Variants in CNTN5 observed in about 807,000 individuals in gnomAD.
CNTN5 encodes contactin-5.
Under a neutral mutation model 129.1 loss-of-function variants are expected in CNTN5, and 77 were observed. That is an observed-to-expected ratio of 0.60 (90% CI 0.50 to 0.72). The LOEUF (loss-of-function observed/expected upper bound fraction) is 0.72, where lower values mean the gene tolerates loss of function less well. Among genes scored for constraint, CNTN5 ranks in the 30% least tolerant of loss-of-function variants. The pLI is 0.00. For synonymous variants in CNTN5, 509 were observed against 465.6 expected (o/e 1.09, Z -1.20); for missense variants, 1,478 against 1,328.8 (o/e 1.11, Z -1.75).
At chr11:99,574,917 A>C (rs1949295326) in intron 3 of CNTN5, among the ~76,000 whole-genome samples, 1 of 152,160 alleles carries the variant, frequency 6.6e-6, no homozygotes, top group South Asian at 2.1e-4. Context: ...CTTTAGTCAG[A>C]AATGACTTCT....
intron 13 of CNTN5, among the ~76,000 whole-genome samples, chr11:100,098,081 C>T (rs1945073915): frequency 3.3e-5 from 5 of 152,044 alleles, no homozygotes; most frequent in South Asian, 4.1e-4. Flanking sequence ...ATGCAAATCA[C>T]GTTGCATGCA....
intron 7 of CNTN5, among the ~76,000 whole-genome samples, chr11:99,943,946 A>G (rs150853522): frequency 0.019 from 2,889 of 152,220 alleles, 32 homozygotes; most frequent in Middle Eastern, 0.044. Context: ...GCCTTGTAGC[A>G]TAGTTTGAAG....
intron 7 of CNTN5, among the ~76,000 whole-genome samples, chr11:99,917,125 G>T (rs1027150647): frequency 1.3e-5 from 2 of 151,644 alleles, no homozygotes; most frequent in African/African-American, 4.9e-5. Context: ...ATTTTTAATC[G>T]AAAGTATGCT....
chr11:99,338,004 T>G (rs1390177185), intron 2 of CNTN5, among the ~76,000 whole-genome samples: 1 of 152,100 alleles, frequency 6.6e-6, no homozygotes. Context: ...ATTACATGCT[T>G]TAGTTTAAAT....
At chr11:99,063,032 G>A (rs186987082) in intron 1 of CNTN5, among the ~76,000 whole-genome samples, 2 of 152,214 alleles carry the variant, frequency 1.3e-5, no homozygotes, top group Admixed American at 6.5e-5. Flanking sequence ...ACAACCAAGG[G>A]AAGTAGAAGC....
chr11:99,055,174 G>A (rs1864580717), intron 1 of CNTN5, among the ~76,000 whole-genome samples: 1 of 151,908 alleles, frequency 6.6e-6, no homozygotes, highest in Admixed American at 6.6e-5. Flanking sequence ...GTCAGTTTTA[G>A]TCAGTAATCC....
chr11:99,875,156 C>T (rs12226319), intron 6 of CNTN5, among the ~76,000 whole-genome samples: 14,362 of 152,122 alleles, frequency 0.094, 1,323 homozygotes, highest in East Asian at 0.42. Flanking sequence ...CCTTTACCTC[C>T]ACACTGAAAA....
At chr11:99,754,451 C>A (rs1944345668) in intron 3 of CNTN5, among the ~76,000 whole-genome samples, 1 of 152,114 alleles carries the variant, frequency 6.6e-6, no homozygotes, top group Admixed American at 6.5e-5. Flanking sequence ...CTCTTATTTG[C>A]TGATTTTTCT....
intron 10 of CNTN5, among the ~76,000 whole-genome samples, chr11:100,066,467 A>G (rs907510556): frequency 2.0e-5 from 3 of 152,152 alleles, no homozygotes; most frequent in Non-Finnish European, 4.4e-5. Flanking sequence ...TCTAATGACA[A>G]GAGATAATAA....
At chr11:99,832,365 A>G (rs982772602) in intron 4 of CNTN5, among the ~76,000 whole-genome samples, 1 of 152,208 alleles carries the variant, frequency 6.6e-6, no homozygotes, top group Admixed American at 6.6e-5. Context: ...GATTGTTATC[A>G]TAAGTGATAA....
In CNTN5 at chr11:99,249,884, A is replaced by G. The variant is rs140031877; in HGVS notation, c.-209-75462A>G. 3.3e-3 allele frequency among the ~76,000 whole-genome samples: 498 copies of G among 152,060 alleles called. 2 individuals carry two copies. Among genetic ancestry groups the G allele is most frequent in the African/African-American group, 0.012 (478 of 41,544 alleles). On this transcript the variant is annotated intron_variant, in intron 1 of 24. Coordinates refer to ENST00000524871, the MANE Select transcript of CNTN5 (RefSeq NM_014361.4). Reference sequence around the variant, plus strand: ...TAGCTCCATAAATAATAATCCACAAATAGAGGCCATTCTTTATTCACTGTC... The same window carrying G: ...TAGCTCCATAAATAATAATCCACAAGTAGAGGCCATTCTTTATTCACTGTC...
At chr11:99,303,084 T>C (rs1376792266) in intron 1 of CNTN5, among the ~76,000 whole-genome samples, 2 of 151,752 alleles carry the variant, frequency 1.3e-5, no homozygotes, top group African/African-American at 2.4e-5. Flanking sequence ...ATTATTCATG[T>C]TTTTGCAGTG....
intron 1 of CNTN5, among the ~76,000 whole-genome samples, chr11:99,295,861 C>T (rs916969445): frequency 5.1e-4 from 63 of 124,382 alleles, no homozygotes; most frequent in African/African-American, 1.6e-3. Context: ...CTGGCCTGGG[C>T]GACAGAGCGA....
At chr11:99,135,702 A>G (rs1310346348) in intron 1 of CNTN5, among the ~76,000 whole-genome samples, 3 of 152,164 alleles carry the variant, frequency 2.0e-5, no homozygotes, top group African/African-American at 4.8e-5. Context: ...AAGTAATTGC[A>G]TTTATTGCTG....
At chr11:99,586,166 T>C (rs922256203) in intron 3 of CNTN5, among the ~76,000 whole-genome samples, 9 of 152,142 alleles carry the variant, frequency 5.9e-5, no homozygotes, top group African/African-American at 1.9e-4. Flanking sequence ...TTTTTTCTCT[T>C]TCAACCCATC....
At position 100,054,782 on chromosome 11, in the gene CNTN5, G is replaced by A. The variant is rs564393643; in HGVS notation, c.981-6430G>A. Among the ~76,000 whole-genome samples the A allele has an allele frequency of 6.6e-5, 10 of 151,738 alleles. No homozygotes were observed. In the East Asian group the frequency reaches 1.9e-3, roughly 29 times the overall value. On this transcript the variant is annotated intron_variant, in intron 9 of 24. Coordinates refer to ENST00000524871, the MANE Select transcript of CNTN5 (RefSeq NM_014361.4). ...CCTAGAAAGTCTGGAGCTTAGCAAG[G>A]TATACATTTATATCTCATTCATGTA...
chr11:99,862,927 G>A (rs992524326), intron 6 of CNTN5, among the ~76,000 whole-genome samples: 4 of 152,044 alleles, frequency 2.6e-5, no homozygotes, highest in Admixed American at 2.6e-4. Context: ...AGTCGATCTG[G>A]GGAAGTGTAT....
At chr11:99,132,602 C>T (rs553488470) in intron 1 of CNTN5, among the ~76,000 whole-genome samples, 76 of 152,164 alleles carry the variant, frequency 5.0e-4, no homozygotes, top group Non-Finnish European at 8.7e-4. Context: ...CATTCCTATA[C>T]ACCAACAACA....
At chr11:100,040,401 G>T (rs1235771815) in intron 9 of CNTN5, among the ~76,000 whole-genome samples, 1 of 152,216 alleles carries the variant, frequency 6.6e-6, no homozygotes, top group African/African-American at 2.4e-5. Context: ...CTCCCAGTTA[G>T]GCTACTCGGG....
Sources: allele counts gnomAD v4.1 joint callset (sites outside exome capture counted in the v4.1 genomes callset), GRCh38; gene constraint gnomAD v4.1.1; transcripts MANE v1.5; gene names NCBI Gene and HGNC (gene_info 2026-07-23, HGNC 2026-07-21).